GPATCH8: variants seen among roughly 807,000 people sequenced by gnomAD.
GPATCH8 encodes G patch domain-containing protein 8.
Under a neutral mutation model 118.3 loss-of-function variants are expected in GPATCH8, and 18 were observed. That is an observed-to-expected ratio of 0.15 (90% confidence interval 0.11 to 0.23). The LOEUF is 0.23. Among genes scored for constraint, GPATCH8 ranks in the 10% least tolerant of loss-of-function variants. GPATCH8 has a pLI of 1.00. For missense variants in GPATCH8, 1,631 were observed against 1,873.8 expected (o/e 0.87, Z 2.39); for synonymous variants, 659 against 684.7 (o/e 0.96, Z 0.59).
chr17:44,422,054 A>C (rs1168786791), intron 6 of GPATCH8, among the ~76,000 whole-genome samples: 1 of 152,108 alleles, frequency 6.6e-6, no homozygotes, highest in African/African-American at 2.4e-5. Flanking sequence ...TTTCCACCTA[A>C]AATATCTTTT....
chr17:44,459,364 A>G (rs1157058081), intron 3 of GPATCH8, among the ~76,000 whole-genome samples: 1 of 152,238 alleles, frequency 6.6e-6, no homozygotes, highest in Non-Finnish European at 1.5e-5. Flanking sequence ...TATAGTCTGT[A>G]TAATGCAAGT....
At chr17:44,487,025 T>C (rs565209408) in intron 1 of GPATCH8, among the ~76,000 whole-genome samples, 178 of 152,286 alleles carry the variant, frequency 1.2e-3, no homozygotes, top group African/African-American at 4.2e-3. Flanking sequence ...CCAAAGTCCA[T>C]AGTACATTAA....
chr17:44,495,551 A>C (rs760532706), intron 1 of GPATCH8, among the ~76,000 whole-genome samples: 1 of 152,220 alleles, frequency 6.6e-6, no homozygotes, highest in Non-Finnish European at 1.5e-5. Context: ...AACACTTCTT[A>C]ACAAACTACC....
At chr17:44,454,952 G>T (rs772880385) in intron 3 of GPATCH8, among the ~76,000 whole-genome samples, 4 of 152,308 alleles carry the variant, frequency 2.6e-5, no homozygotes, top group Non-Finnish European at 4.4e-5. Flanking sequence ...CATTTAATTA[G>T]CAGGAAACAG....
Position 44,405,923 on chromosome 17 carries a change from T to C in GPATCH8, c.621A>G (p.Glu207=). 2 of 1,608,242 alleles carry C rather than the reference T, an allele frequency of 1.2e-6. No individual in the cohort carries two copies. The highest frequency in any genetic ancestry group is 1.7e-6 in the Non-Finnish European group (2 of 1,174,656). ...HELAEQRKQA[E]CAPGSGPMFK... Reference sequence around the variant, plus strand: ...CCTCTGATAAAAAATATCCTCACCATTCAGCTTGTTTTCTTTGCTCTGCCA... The same window carrying C: ...CCTCTGATAAAAAATATCCTCACCACTCAGCTTGTTTTCTTTGCTCTGCCA... Residue 207 remains glutamate, a splice_region_variant and synonymous_variant, in exon 7 of 8, where the codon GAA becomes GAG. Transcript: ENST00000591680.
Position 44,503,331 on chromosome 17 carries a change from A to T in GPATCH8, c.40T>A (p.Phe14Ile). 1 of 1,611,068 alleles carries T rather than the reference A, an allele frequency of 6.2e-7. No homozygotes were observed. Among genetic ancestry groups the T allele is most frequent in the Non-Finnish European group, 8.5e-7 (1 of 1,178,822 alleles). ...RFSRFNEDRD[F>I]QGNHFDQYEE... Reference sequence around the variant, plus strand: ...TCGGCGACGCCCGTGTTTACCTGAAAGTCTCGGTCTTCGTTGAAGCGGGAG... The same window carrying T: ...TCGGCGACGCCCGTGTTTACCTGAATGTCTCGGTCTTCGTTGAAGCGGGAG... Residue 14 changes from phenylalanine to isoleucine, a missense_variant, in exon 1 of 8, where the codon TTT becomes ATT. By Grantham distance (21) the Phe-to-Ile change is conservative. Coordinates refer to ENST00000591680, the MANE Select transcript of GPATCH8 (RefSeq NM_001002909.4).
intron 3 of GPATCH8, among the ~76,000 whole-genome samples, chr17:44,440,752 G>C (rs2050661262): frequency 6.6e-6 from 1 of 152,158 alleles, no homozygotes; most frequent in South Asian, 2.1e-4. Flanking sequence ...AATCCCTCAG[G>C]AATCAGTTCT....
chr17:44,447,619 CTT>C (rs79158339), intron 3 of GPATCH8, among the ~76,000 whole-genome samples: 52 of 141,442 alleles, frequency 3.7e-4, no homozygotes, highest in Non-Finnish European at 3.9e-4. Flanking sequence ...TTATCACCAC[CTT>C]TTTTTTTTTT....
intron 3 of GPATCH8, among the ~76,000 whole-genome samples, chr17:44,460,806 A>G (rs1467603395): frequency 4.6e-5 from 7 of 152,238 alleles, no homozygotes; most frequent in Non-Finnish European, 1.5e-5. Flanking sequence ...ATGGTTATTT[A>G]TATCAAAGGT....
intron 1 of GPATCH8, among the ~76,000 whole-genome samples, chr17:44,485,960 T>A (rs138197941): frequency 1.3e-3 from 200 of 152,318 alleles, no homozygotes; most frequent in African/African-American, 4.4e-3. Context: ...AGTGGTGCAA[T>A]CACAGCTCAC....
rs374539559 is a variant in GPATCH8, at chr17:44,435,128, G to A, written c.285C>T (p.Thr95=). 8.6e-5 allele frequency: 129 copies of A among 1,502,406 alleles called. 2 individuals are homozygous for A. The South Asian group carries it at 1.1e-3, about 13-fold the overall frequency. The allele number at this position is 1,502,406 out of a possible 1,614,324, so 93.1% of individuals were successfully genotyped here. ...EMELDYAEDA[T]ERRRVLEVEK... ...CTACTTCTAGGACACGGCGCCGTTC[G>A]GTAGCATCTTCAGCATAATCAAGCT... Residue 95 remains threonine, a synonymous_variant, in exon 5 of 8, where the codon ACC becomes ACT. Transcript: ENST00000591680.
At chr17:44,446,994 C>A (rs958305311) in intron 3 of GPATCH8, among the ~76,000 whole-genome samples, 7 of 151,532 alleles carry the variant, frequency 4.6e-5, no homozygotes, top group Non-Finnish European at 1.0e-4. Context: ...ATCACCATGC[C>A]CAGCTAATTT....
chr17:44,436,159 A>G (rs544929709), intron 4 of GPATCH8, among the ~76,000 whole-genome samples: 12 of 152,158 alleles, frequency 7.9e-5, no homozygotes, highest in African/African-American at 2.9e-4. Flanking sequence ...TCACAGCAAC[A>G]TTTTAAGAGC....
intron 6 of GPATCH8, among the ~76,000 whole-genome samples, chr17:44,412,599 G>C (rs533409939): frequency 6.6e-6 from 1 of 152,000 alleles, no homozygotes; most frequent in Non-Finnish European, 1.5e-5. Flanking sequence ...GGCCAGGCTG[G>C]TCTTGAACTC....
chr17:44,400,318 T>C lies in GPATCH8; in HGVS notation c.1759A>G (p.Lys587Glu), dbSNP rs2048968761. 3 of 1,614,174 alleles carry C rather than the reference T, an allele frequency of 1.9e-6. No homozygotes were observed. In the East Asian group the frequency reaches 6.7e-5, roughly 36 times the overall value. ...KLSRNKDART[K>E]GTEKPKDIGS... is the part of the protein sequence containing the mutation. Reference sequence around the variant, plus strand: ...ATATCCTTTGGTTTTTCTGTTCCTTTAGTTCTGGCATCTTTGTTCCTTGAA... The same window carrying C: ...ATATCCTTTGGTTTTTCTGTTCCTTCAGTTCTGGCATCTTTGTTCCTTGAA... The change falls in exon 8 of 8, where the codon AAA (lysine) becomes GAA (glutamate). Residue 587 changes from lysine to glutamate, a missense_variant. Lys to Glu is a moderately conservative substitution (Grantham distance 56). Coordinates refer to ENST00000591680, the MANE Select transcript of GPATCH8 (RefSeq NM_001002909.4).
rs545144890 is a variant in GPATCH8 at position 44,397,205 on chromosome 17, T to G, written c.*363A>C. On this transcript the variant is annotated 3_prime_UTR_variant, in exon 8 of 8. Transcript: ENST00000591680. ...ACCCACTGGCCAGAGGGGAGGAAAA[T>G]GTTTTAAAATTTACAGAAGGGAAGA... 9 of 470,986 alleles carry G rather than the reference T, an allele frequency of 1.9e-5. No individual in the cohort carries two copies. The East Asian group carries it at 5.8e-4, about 30-fold the overall frequency. The allele number at this position is 470,986 out of a possible 1,614,324, so 29.2% of individuals were successfully genotyped here.
intron 1 of GPATCH8, among the ~76,000 whole-genome samples, chr17:44,490,278 A>G (rs1229655215): frequency 6.6e-6 from 1 of 152,166 alleles, no homozygotes; most frequent in Non-Finnish European, 1.5e-5. Context: ...ACTTCAGTCC[A>G]GCCTGGGTAA....
chr17:44,401,069 C>T lies in GPATCH8; in HGVS notation c.1008G>A (p.Glu336=), dbSNP rs766126674. The T allele has an allele frequency of 1.4e-5, 22 of 1,614,066 alleles. No individual in the cohort carries two copies. In the East Asian group the frequency reaches 4.9e-4, roughly 36 times the overall value. Residue 336 remains glutamate, a synonymous_variant, in exon 8 of 8, where the codon GAG becomes GAA. Coordinates refer to ENST00000591680, the MANE Select transcript of GPATCH8 (RefSeq NM_001002909.4). ...GTSEDGTKPD[E]KSSDQGLQKV... Reference sequence around the variant, plus strand: ...TCTGCAGTCCTTGGTCAGAACTCTTCTCATCGGGTTTTGTTCCATCTTCAG... The same window carrying T: ...TCTGCAGTCCTTGGTCAGAACTCTTTTCATCGGGTTTTGTTCCATCTTCAG...
chr17:44,436,738 C>T (rs2050526399), intron 3 of GPATCH8, 193 bp from the exon 4 acceptor site: 1 of 569,738 alleles, frequency 1.8e-6, no homozygotes, highest in Non-Finnish European at 3.1e-6. Flanking sequence ...AATTAACCAC[C>T]TTGGCTGACG....
Sources: gnomAD v4.1 joint callset for allele counts (sites outside exome capture counted in the v4.1 genomes callset) on GRCh38, gnomAD v4.1.1 for gene constraint, MANE v1.5 for transcripts, NCBI Gene and HGNC (gene_info 2026-07-23, HGNC 2026-07-21) for gene names.